The following SEMA6D variants were observed in gnomAD, a reference collection of about 807,000 sequenced individuals.
SEMA6D encodes semaphorin-6D.
A neutral mutation model predicts 106.6 loss-of-function variants in SEMA6D; 35 were observed. The observed-to-expected ratio is 0.33, with a 90% CI of 0.25 to 0.44. The LOEUF is 0.44. SEMA6D is among the 20% of genes least tolerant of loss of function. The probability of loss-of-function intolerance (pLI) is 1.00; values close to 1 mark genes in which losing one functional copy is unlikely to be tolerated. For synonymous variants in SEMA6D, 499 were observed against 487.7 expected, an observed-to-expected ratio of 1.02 and a Z score of -0.31; for missense variants, 1,185 against 1,345.9, an observed-to-expected ratio of 0.88 and a Z score of 1.87.
chr15:47,347,064 A>G (rs922535840), intron 1 of SEMA6D, among the ~76,000 whole-genome samples: 1 of 152,002 alleles, frequency 6.6e-6, no homozygotes, highest in African/African-American at 2.4e-5. Flanking sequence ...ACCCGCCATC[A>G]TGTCTAGATA....
At chr15:47,288,297 C>T (rs2035456167) in intron 1 of SEMA6D, among the ~76,000 whole-genome samples, 1 of 152,122 alleles carries the variant, frequency 6.6e-6, no homozygotes, top group Non-Finnish European at 1.5e-5. Context: ...CTAGTTAATG[C>T]ACCGTCAACA....
chr15:47,351,135 T>G (rs1033328434), intron 1 of SEMA6D, among the ~76,000 whole-genome samples: 1 of 152,202 alleles, frequency 6.6e-6, no homozygotes, highest in Admixed American at 6.5e-5. Context: ...TATCGCCTTC[T>G]TCCTAAAGAA....
chr15:47,658,902 G>T (rs957365002), intron 4 of SEMA6D, among the ~76,000 whole-genome samples: 1 of 151,616 alleles, frequency 6.6e-6, no homozygotes, highest in Non-Finnish European at 1.5e-5. Context: ...TATAAAAGGA[G>T]AAAAAATATC....
At chr15:47,520,750 G>T (rs955702928) in intron 3 of SEMA6D, among the ~76,000 whole-genome samples, 4 of 152,132 alleles carry the variant, frequency 2.6e-5, no homozygotes, top group Admixed American at 1.3e-4. Context: ...AATAATGGGG[G>T]ATTACAATGG....
intron 4 of SEMA6D, among the ~76,000 whole-genome samples, chr15:47,613,328 G>A (rs963042078): frequency 5.3e-5 from 8 of 151,986 alleles, no homozygotes; most frequent in Admixed American, 2.0e-4. Flanking sequence ...TGAATATTTC[G>A]TGCATTCCTC....
rs188766479 is a variant in SEMA6D at position 47,474,467 on chromosome 15, G to T, written c.-87+3922G>T. 5.2e-3 allele frequency among the ~76,000 whole-genome samples: 792 copies of T among 152,288 alleles called. 5 individuals carry two copies. The highest frequency in any genetic ancestry group is 0.018 in the African/African-American group (755 of 41,568). ...GAAAACCTTATTGCACAAAGGGTAT[G>T]TGGCATTAAGTCTTAAACTTACAAG... On this transcript the variant is annotated intron_variant, in intron 3 of 19. Transcript: ENST00000558014.
chr15:47,585,755 A>AT (rs34201532), intron 3 of SEMA6D, among the ~76,000 whole-genome samples: 33,399 of 152,150 alleles, frequency 0.22, 4,694 homozygotes, highest in Non-Finnish European at 0.31. Flanking sequence ...GGGCTAAGTA[A>AT]TTTTTTAAAA....
chr15:47,334,343 G>A (rs1031361305), intron 1 of SEMA6D, among the ~76,000 whole-genome samples: 1 of 152,110 alleles, frequency 6.6e-6, no homozygotes, highest in East Asian at 1.9e-4. Flanking sequence ...CCCAAAGTGG[G>A]GTTTATGGGA....
At chr15:47,766,945 T>C in intron 16 of SEMA6D, 92 bp from the exon 17 acceptor site, 1 of 728,294 alleles carries the variant, frequency 1.4e-6, no homozygotes, top group Non-Finnish European at 2.3e-6. Context: ...ATAGTCTTTT[T>C]TTTTTTTACT....
intron 1 of SEMA6D, among the ~76,000 whole-genome samples, chr15:47,344,513 G>A (rs1036059770): frequency 6.6e-6 from 1 of 152,140 alleles, no homozygotes; most frequent in African/African-American, 2.4e-5. Flanking sequence ...TATGCAGGGA[G>A]GGAGACCAAG....
chr15:47,229,657 G>A (rs1040481464), intron 1 of SEMA6D, among the ~76,000 whole-genome samples: 1 of 152,094 alleles, frequency 6.6e-6, no homozygotes, highest in African/African-American at 2.4e-5. Context: ...TAAGATGTCT[G>A]CAGGACTAGC....
At chr15:47,476,183 C>T (rs889498481) in intron 3 of SEMA6D, among the ~76,000 whole-genome samples, 2 of 152,110 alleles carry the variant, frequency 1.3e-5, no homozygotes, top group Admixed American at 6.6e-5. Context: ...TTTAACTTTA[C>T]GGAGAATGCT....
At chr15:47,678,027 A>C (rs2078279288) in intron 4 of SEMA6D, among the ~76,000 whole-genome samples, 1 of 152,212 alleles carries the variant, frequency 6.6e-6, no homozygotes, top group Non-Finnish European at 1.5e-5. Context: ...CACCCTGTGA[A>C]CATTAATTTT....
intron 2 of SEMA6D, among the ~76,000 whole-genome samples, chr15:47,462,465 T>C (rs2042543991): frequency 6.6e-6 from 1 of 151,132 alleles, no homozygotes; most frequent in Admixed American, 6.6e-5. Context: ...ACTATATAGG[T>C]TTTTTTTTAG....
At chr15:47,561,366 ATCT>A (rs2046076382) in intron 3 of SEMA6D, among the ~76,000 whole-genome samples, 1 of 152,108 alleles carries the variant, frequency 6.6e-6, no homozygotes, top group Non-Finnish European at 1.5e-5. Context: ...TGTCAACCAA[ATCT>A]TCTATATCCA....
intron 3 of SEMA6D, among the ~76,000 whole-genome samples, chr15:47,578,956 GA>G (rs1056196181): frequency 3.3e-5 from 5 of 152,054 alleles, no homozygotes; most frequent in African/African-American, 1.2e-4. Context: ...TGCATATGTG[GA>G]CCCCATTTTT....
chr15:47,635,297 G>A (rs1390516577), intron 4 of SEMA6D, among the ~76,000 whole-genome samples: 1 of 152,172 alleles, frequency 6.6e-6, no homozygotes, highest in Non-Finnish European at 1.5e-5. Context: ...GGCTGTAGGG[G>A]TGGTCTCCTG....
intron 4 of SEMA6D, among the ~76,000 whole-genome samples, chr15:47,711,116 C>G (rs992888219): frequency 7.3e-5 from 11 of 151,470 alleles, no homozygotes; most frequent in African/African-American, 2.7e-4. Flanking sequence ...GAGACCATCC[C>G]GGCTAAAACG....
intron 16 of SEMA6D, 37 bp from the exon 17 acceptor site, chr15:47,767,000 A>G (rs765556684): frequency 7.8e-7 from 1 of 1,281,248 alleles, no homozygotes; most frequent in Non-Finnish European, 1.1e-6. Flanking sequence ...TCTTTTGGTT[A>G]CTTTTCACTG....
Sources: gnomAD v4.1 joint callset for allele counts (sites outside exome capture counted in the v4.1 genomes callset) on GRCh38, gnomAD v4.1.1 for gene constraint, MANE v1.5 for transcripts, NCBI Gene and HGNC (gene_info 2026-07-23, HGNC 2026-07-21) for gene names.